The following CCSER1 variants were observed in gnomAD, a reference collection of about 807,000 sequenced individuals.
CCSER1 encodes coiled-coil serine rich protein 1, also known as serine-rich coiled-coil domain-containing protein 1.
Under a neutral mutation model 82.0 loss-of-function variants are expected in CCSER1, and 41 were observed. The observed-to-expected ratio is 0.50, with a 90% CI of 0.39 to 0.65. The LOEUF (loss-of-function observed/expected upper bound fraction) is 0.65. Among genes scored for constraint, CCSER1 ranks in the 30% least tolerant of loss-of-function variants. The probability of loss-of-function intolerance (pLI) is 0.00; values close to 1 mark genes in which losing one functional copy is unlikely to be tolerated. For missense variants in CCSER1, 1,119 were observed against 1,064.2 expected (o/e 1.05, Z -0.72); for synonymous variants, 414 against 383.9 (o/e 1.08, Z -0.92).
At chr4:91,047,082 C>T (rs376891297) in intron 9 of CCSER1, among the ~76,000 whole-genome samples, 2 of 152,084 alleles carry the variant, frequency 1.3e-5, no homozygotes. Flanking sequence ...TACATTCCCC[C>T]CAACCCCCTC....
intron 6 of CCSER1, among the ~76,000 whole-genome samples, chr4:90,702,698 T>G (rs1738413458): frequency 6.6e-6 from 1 of 152,194 alleles, no homozygotes; most frequent in South Asian, 2.1e-4. Flanking sequence ...GGTTTAGTCT[T>G]GGGAGGGTGT....
At chr4:91,128,795 A>G (rs1031758002) in intron 10 of CCSER1, among the ~76,000 whole-genome samples, 1 of 152,102 alleles carries the variant, frequency 6.6e-6, no homozygotes, top group Non-Finnish European at 1.5e-5. Flanking sequence ...CAGTTAGACT[A>G]GAGCAAGGCT....
At chr4:90,327,832 G>C (rs1238309198) in intron 3 of CCSER1, among the ~76,000 whole-genome samples, 2 of 152,070 alleles carry the variant, frequency 1.3e-5, no homozygotes, top group Admixed American at 1.3e-4. Flanking sequence ...ATTGCCCCCA[G>C]TTGAGAACTA....
intron 9 of CCSER1, among the ~76,000 whole-genome samples, chr4:90,974,883 A>G (rs1048227695): frequency 6.6e-6 from 1 of 151,424 alleles, no homozygotes; most frequent in Non-Finnish European, 1.5e-5. Context: ...CCCAATATAT[A>G]AAAACTTATG....
In CCSER1 at chr4:90,935,002, TAAC is replaced by T. The variant is rs201702647; in HGVS notation, c.2172+11556_2172+11558del. Among the ~76,000 whole-genome samples, 1,400 of 151,862 alleles carry T rather than the reference TAAC, an allele frequency of 9.2e-3. 7 individuals are homozygous for T. The highest frequency in any genetic ancestry group is 0.014 in the Non-Finnish European group (924 of 67,936). On this transcript the variant is annotated intron_variant, in intron 9 of 10. Transcript: ENST00000509176. ...CTTGATTAAGGAAACTAAACAGACA[TAAC>T]GACATATGAAATGCATATATATATG...
At chr4:90,951,204 T>A (rs889563252) in intron 9 of CCSER1, 1 of 152,128 alleles carries the variant, frequency 6.6e-6, no homozygotes, top group Non-Finnish European at 1.5e-5. Context: ...TGGATTTGTT[T>A]ACTTATTTAG....
chr4:90,324,060 A>G (rs2153489448), intron 3 of CCSER1, among the ~76,000 whole-genome samples: 1 of 152,272 alleles, frequency 6.6e-6, no homozygotes, highest in South Asian at 2.1e-4. Flanking sequence ...TTCTTGATCC[A>G]GTCTATCATG....
In CCSER1 at chr4:90,628,123, A is replaced by G; in HGVS notation, c.1823A>G (p.Gln608Arg). Residue 608 changes from glutamine (Q) to arginine (R), a missense_variant, in exon 6 of 11, where the codon CAA (glutamine) becomes CGA (arginine). Coordinates refer to ENST00000509176, the MANE Select transcript of CCSER1 (RefSeq NM_001145065.2). Reference sequence around the variant, plus strand: ...AGTCCATCTGCGGATTGGCCTCTACAAGGTGTGGAAGAAAACGGAGGCATA... The same window carrying G: ...AGTCCATCTGCGGATTGGCCTCTACGAGGTGTGGAAGAAAACGGAGGCATA... ...PNSPSADWPL[Q>R]GVEENGGIDS... The G allele has an allele frequency of 1.2e-6, 2 of 1,613,772 alleles. No homozygotes were observed. Among genetic ancestry groups the G allele is most frequent in the Admixed American group, 3.3e-5 (2 of 60,016 alleles).
At chr4:90,185,344 A>G (rs893104873) in intron 1 of CCSER1, among the ~76,000 whole-genome samples, 1 of 152,116 alleles carries the variant, frequency 6.6e-6, no homozygotes, top group Non-Finnish European at 1.5e-5. Context: ...CATGGGAGGT[A>G]AAAGAATGAA....
At chr4:91,305,112 A>T (rs902363178) in intron 10 of CCSER1, among the ~76,000 whole-genome samples, 43 of 152,092 alleles carry the variant, frequency 2.8e-4, no homozygotes, top group African/African-American at 9.9e-4. Flanking sequence ...AGCTCATATG[A>T]TTTCTATCTC....
At chr4:90,980,991 T>C (rs1736062881) in intron 9 of CCSER1, among the ~76,000 whole-genome samples, 1 of 151,778 alleles carries the variant, frequency 6.6e-6, no homozygotes, top group South Asian at 2.1e-4. Flanking sequence ...TGCAGTCAGC[T>C]ATCACCTTTG....
At chr4:90,861,926 A>ATAT (rs1486179354) in intron 8 of CCSER1, among the ~76,000 whole-genome samples, 7 of 125,662 alleles carry the variant, frequency 5.6e-5, no homozygotes, top group Middle Eastern at 4.2e-3. Context: ...ATATATATAT[A>ATAT]TTTTTTTTTT....
chr4:91,380,747 T>C (rs888722837), intron 10 of CCSER1, among the ~76,000 whole-genome samples: 1 of 152,210 alleles, frequency 6.6e-6, no homozygotes. Context: ...CCCATTTACA[T>C]TTAAGGCTAA....
intron 6 of CCSER1, among the ~76,000 whole-genome samples, chr4:90,670,834 A>G (rs1514738): frequency 0.46 from 69,710 of 151,738 alleles, 16,402 homozygotes; most frequent in Middle Eastern, 0.59. Flanking sequence ...TTTATCCAGG[A>G]AGAGGTCAAA....
chr4:90,747,117 A>AAAAAG (rs1242620944), intron 7 of CCSER1, among the ~76,000 whole-genome samples: 1 of 152,158 alleles, frequency 6.6e-6, no homozygotes. Context: ...CAGAAAATAA[A>AAAAAG]AAAAGAAAAG....
At chr4:91,437,680 T>A (rs916457033) in intron 10 of CCSER1, among the ~76,000 whole-genome samples, 1 of 152,222 alleles carries the variant, frequency 6.6e-6, no homozygotes, top group Non-Finnish European at 1.5e-5. Flanking sequence ...GGCGAGGCAT[T>A]GCCTCACTCA....
intron 5 of CCSER1, among the ~76,000 whole-genome samples, chr4:90,546,003 G>T (rs1204873429): frequency 3.3e-5 from 5 of 152,056 alleles, no homozygotes; most frequent in African/African-American, 9.7e-5. Flanking sequence ...AACCAACACA[G>T]TTTCTTATAA....
At chr4:90,164,872 G>T (rs1730166498) in intron 1 of CCSER1, among the ~76,000 whole-genome samples, 1 of 151,886 alleles carries the variant, frequency 6.6e-6, no homozygotes, top group Non-Finnish European at 1.5e-5. Flanking sequence ...AATTTTTTTT[G>T]AATCTTTTAG....
At chr4:91,311,601 G>A (rs1745482313) in intron 10 of CCSER1, among the ~76,000 whole-genome samples, 1 of 151,804 alleles carries the variant, frequency 6.6e-6, no homozygotes, top group African/African-American at 2.4e-5. Context: ...TTACCTTTCA[G>A]TTCTTTCACC....
Sources: gnomAD v4.1 joint callset for allele counts (sites outside exome capture counted in the v4.1 genomes callset) on GRCh38, gnomAD v4.1.1 for gene constraint, MANE v1.5 for transcripts, NCBI Gene and HGNC (gene_info 2026-07-23, HGNC 2026-07-21) for gene names.